MMS19: variants seen among roughly 807,000 people sequenced by gnomAD.
MMS19 encodes MMS19 nucleotide excision repair protein homolog.
MMS19 carries 77 observed loss-of-function variants against 129.8 expected under a neutral mutation model. The ratio of observed to expected loss-of-function variants is 0.59; its 90% confidence interval spans 0.49 to 0.72. The LOEUF (loss-of-function observed/expected upper bound fraction) is 0.72. Ranked by LOEUF, MMS19 falls within the 30% of genes least tolerant of loss-of-function variation. The pLI is 0.00. For missense variants in MMS19, 1,168 were observed against 1,266.3 expected, an observed-to-expected ratio of 0.92 and a Z score of 1.18; for synonymous variants, 491 against 502.8, an observed-to-expected ratio of 0.98 and a Z score of 0.31.
chr10:97,472,822 G>A (rs1056700703), intron 8 of MMS19, among the ~76,000 whole-genome samples: 2 of 151,972 alleles, frequency 1.3e-5, no homozygotes, highest in African/African-American at 4.8e-5. Flanking sequence ...GCCCGGGCTG[G>A]TCTTGAACTC....
chr10:97,461,493 T>C lies in MMS19; in HGVS notation c.2311+3A>G, dbSNP rs2031911625. ...GGCTCCTTACATAGTCTGATCTCAG[T>C]ACCTGCAGGGTGCTTGTTGAGGAGT... On this transcript the variant is annotated splice_donor_region_variant and intron_variant, in intron 23 of 30. Transcript: ENST00000438925. 6.2e-7 allele frequency: 1 copy of C among 1,607,226 alleles called. No individual in the cohort carries two copies. The highest frequency in any genetic ancestry group is 1.3e-5 in the African/African-American group (1 of 74,854).
intron 1 of MMS19, among the ~76,000 whole-genome samples, chr10:97,485,091 A>T (rs2037581866): frequency 6.6e-6 from 1 of 151,966 alleles, no homozygotes; most frequent in Non-Finnish European, 1.5e-5. Flanking sequence ...TAAACTTAAT[A>T]AAAAATGTGA....
At chr10:97,462,984 G>C (rs1017796497) in intron 19 of MMS19, 2 of 321,294 alleles carry the variant, frequency 6.2e-6, no homozygotes, top group Non-Finnish European at 1.1e-5. Context: ...GTTGTCCCTG[G>C]TGTCCCTGGA....
At chr10:97,470,939 G>T in intron 8 of MMS19, 78 bp from the exon 9 acceptor site, 1 of 1,174,160 alleles carries the variant, frequency 8.5e-7, no homozygotes, top group Non-Finnish European at 1.2e-6. Flanking sequence ...TGGTAACCCT[G>T]CAGAACAGGG....
At chr10:97,470,945 C>G (rs1484926837) in intron 8 of MMS19, 84 bp from the exon 9 acceptor site, 1 of 1,026,014 alleles carries the variant, frequency 9.7e-7, no homozygotes, top group Non-Finnish European at 1.5e-6. Context: ...CCCTGCAGAA[C>G]AGGGTGATAC....
intron 18 of MMS19, among the ~76,000 whole-genome samples, chr10:97,465,556 C>T (rs574244941): frequency 1.3e-5 from 2 of 152,300 alleles, no homozygotes; most frequent in East Asian, 1.9e-4. Flanking sequence ...CTGCTGGCCT[C>T]GGCCTCCCAA....
Position 97,476,677 on chromosome 10 carries a change from A to G in MMS19, c.684+6T>C. On this transcript the variant is annotated splice_donor_region_variant and intron_variant, in intron 8 of 30. Coordinates refer to ENST00000438925, the MANE Select transcript of MMS19 (RefSeq NM_022362.5). ...TATATGATCAAACAATGAAGGTGCTACTTACAGGGGTAAAATCGATAGGGA... is the reference window on the plus strand; with the variant it reads ...TATATGATCAAACAATGAAGGTGCTGCTTACAGGGGTAAAATCGATAGGGA... 6.2e-7 allele frequency: 1 copy of G among 1,613,346 alleles called. No homozygotes were observed. The highest frequency in any genetic ancestry group is 8.5e-7 in the Non-Finnish European group (1 of 1,179,436).
intron 1 of MMS19, among the ~76,000 whole-genome samples, chr10:97,489,780 T>C (rs1288649434): frequency 6.6e-6 from 1 of 152,218 alleles, no homozygotes; most frequent in Non-Finnish European, 1.5e-5. Context: ...GGTTCCCCAA[T>C]TTGCATTTGT....
chr10:97,481,294 A>G (rs541379212), intron 2 of MMS19, among the ~76,000 whole-genome samples: 2 of 152,214 alleles, frequency 1.3e-5, no homozygotes, highest in East Asian at 1.9e-4. Context: ...AAGAGCCAAC[A>G]GAGGTTTCTG....
chr10:97,486,862 C>CATATATATATATATCTATATAT (rs2037945854), intron 1 of MMS19, among the ~76,000 whole-genome samples: 1 of 85,080 alleles, frequency 1.2e-5, no homozygotes, highest in Non-Finnish European at 2.6e-5. Flanking sequence ...ATTAAAGTGC[C>CATATATATATATATCTATATAT]ATATATATAT....
At position 97,476,687 on chromosome 10, in the gene MMS19, G is replaced by C. The variant is rs2035845081; in HGVS notation, c.680C>G (p.Thr227Ser). Reference protein sequence around the residue: ...VTSCYFPIDFTPPPNDPHGIQ... With the variant: ...VTSCYFPIDFSPPPNDPHGIQ... ...AACAATGAAGGTGCTACTTACAGGG[G>C]TAAAATCGATAGGGAAATAACAGGA... Residue 227 changes from threonine (T) to serine (S), a missense_variant, in exon 8 of 31, where the codon ACC (threonine) becomes AGC (serine). Coordinates refer to ENST00000438925, the MANE Select transcript of MMS19 (RefSeq NM_022362.5). The C allele has an allele frequency of 6.2e-7, 1 of 1,613,668 alleles. No individual in the cohort carries two copies. Among genetic ancestry groups the C allele is most frequent in the East Asian group, 2.2e-5 (1 of 44,876 alleles).
At chr10:97,466,652 C>T (rs529168548) in intron 15 of MMS19, 67 bp from the exon 16 acceptor site, 1 of 1,578,600 alleles carries the variant, frequency 6.3e-7, no homozygotes, top group East Asian at 2.2e-5. Context: ...CTTCTAAGCT[C>T]TTATTAGAAA....
chr10:97,477,532 T>C, intron 5 of MMS19, 116 bp from the exon 6 acceptor site: 1 of 1,388,052 alleles, frequency 7.2e-7, no homozygotes, highest in South Asian at 1.2e-5. Context: ...CAGCATAAGA[T>C]CAATCTAAGA....
chr10:97,474,708 GAAC>G (rs977312771), intron 8 of MMS19, among the ~76,000 whole-genome samples: 7 of 152,242 alleles, frequency 4.6e-5, no homozygotes, highest in East Asian at 1.9e-4. Context: ...CTGCAGTGCA[GAAC>G]AACATACAAA....
chr10:97,458,991 A>C, intron 29 of MMS19, 91 bp from the exon 30 acceptor site: 1 of 1,302,320 alleles, frequency 7.7e-7, no homozygotes, highest in Non-Finnish European at 1.1e-6. Flanking sequence ...ATTCTGAGGA[A>C]AGCAAAACAT....
Position 97,470,214 on chromosome 10 carries a change from G to A in MMS19, c.772-11C>T, listed in dbSNP as rs2034394685. ...CAGGGGCAGCAGAAACTGTGGGACA[G>A]AAGGAAGATCTTAAGCCTGAGATGG... On this transcript the variant is annotated splice_polypyrimidine_tract_variant and intron_variant, in intron 9 of 30. Transcript: ENST00000438925. The A allele has an allele frequency of 2.5e-6, 4 of 1,595,450 alleles. No homozygotes were observed. The South Asian group carries it at 4.5e-5, about 18-fold the overall frequency.
At chr10:97,460,867 T>C (rs369954488) in intron 24 of MMS19, 40 bp downstream of exon 24, 15 of 1,536,622 alleles carry the variant, frequency 9.8e-6, no homozygotes, top group African/African-American at 6.8e-5. Flanking sequence ...CCAGACATAA[T>C]TGCCTCTCTG....
intron 8 of MMS19, among the ~76,000 whole-genome samples, chr10:97,474,282 C>T (rs373804030): frequency 2.0e-5 from 3 of 151,954 alleles, no homozygotes; most frequent in Non-Finnish European, 4.4e-5. Flanking sequence ...GTGGCTCACA[C>T]GTGTAATCCC....
chr10:97,470,873 A>T lies in MMS19; in HGVS notation c.685-12T>A. 6.2e-7 allele frequency: 1 copy of T among 1,612,674 alleles called. No individual in the cohort carries two copies. Among genetic ancestry groups the T allele is most frequent in the African/African-American group, 1.3e-5 (1 of 74,784 alleles). Reference sequence around the variant, plus strand: ...GGATCATTAGGTGGCTGGAAAAGGGAGAAGGGCTGTGGGTTTGTGTAACAT... The same window carrying T: ...GGATCATTAGGTGGCTGGAAAAGGGTGAAGGGCTGTGGGTTTGTGTAACAT... On this transcript the variant is annotated splice_polypyrimidine_tract_variant and intron_variant, in intron 8 of 30. Transcript: ENST00000438925.
Sources: gnomAD v4.1 joint callset for allele counts (sites outside exome capture counted in the v4.1 genomes callset) on GRCh38, gnomAD v4.1.1 for gene constraint, MANE v1.5 for transcripts, NCBI Gene and HGNC (gene_info 2026-07-23, HGNC 2026-07-21) for gene names.